JAKMIP2: variants seen among roughly 807,000 people sequenced by gnomAD.
The protein encoded by JAKMIP2 is janus kinase and microtubule-interacting protein 2.
Under a neutral mutation model 115.0 loss-of-function variants are expected in JAKMIP2, and 25 were observed. The ratio of observed to expected loss-of-function variants is 0.22; its 90% confidence interval spans 0.16 to 0.30. JAKMIP2 has a LOEUF of 0.30. JAKMIP2 is among the 10% of genes least tolerant of loss of function. The pLI is 1.00. For missense variants in JAKMIP2, 642 were observed against 957.6 expected, an observed-to-expected ratio of 0.67 and a Z score of 4.35; for synonymous variants, 334 against 343.6, an observed-to-expected ratio of 0.97 and a Z score of 0.31.
chr5:147,776,407 T>G (rs1261193012), intron 1 of JAKMIP2, among the ~76,000 whole-genome samples: 2 of 152,178 alleles, frequency 1.3e-5, no homozygotes, highest in Non-Finnish European at 2.9e-5. Context: ...CCTGCCACCA[T>G]GTGAAGAAGG....
intron 1 of JAKMIP2, among the ~76,000 whole-genome samples, chr5:147,678,949 C>T (rs1397424691): frequency 6.6e-6 from 1 of 151,724 alleles, no homozygotes; most frequent in African/African-American, 2.4e-5. Context: ...GTTTTGATGT[C>T]CAACTACATT....
chr5:147,710,772 A>C (rs1006978678), intron 1 of JAKMIP2, among the ~76,000 whole-genome samples: 2 of 152,180 alleles, frequency 1.3e-5, no homozygotes, highest in Admixed American at 6.5e-5. Flanking sequence ...CTAAAGAAAA[A>C]CATAAAATGA....
At chr5:147,734,670 G>A (rs1753855810) in intron 1 of JAKMIP2, among the ~76,000 whole-genome samples, 4 of 150,998 alleles carry the variant, frequency 2.6e-5, no homozygotes, top group Admixed American at 2.6e-4. Flanking sequence ...AAAAAGGAAC[G>A]CCTTTTTGTT....
Position 147,665,710 on chromosome 5 carries a change from T to C in JAKMIP2, c.130-4265A>G, listed in dbSNP as rs188246200. On this transcript the variant is annotated intron_variant, in intron 2 of 21. Coordinates refer to ENST00000616793, the MANE Select transcript of JAKMIP2 (RefSeq NM_001270941.2). ...AAAATGTCTGTAACTGGGTTATTTTTAGGGTTAAACTAGATTGTGTACGGA... is the reference window on the plus strand; with the variant it reads ...AAAATGTCTGTAACTGGGTTATTTTCAGGGTTAAACTAGATTGTGTACGGA... Among the ~76,000 whole-genome samples, 427 of 152,362 alleles carry C rather than the reference T, an allele frequency of 2.8e-3. 5 individuals are homozygous for C. The highest frequency in any genetic ancestry group is 9.6e-3 in the African/African-American group (399 of 41,588).
At chr5:147,657,618 C>T (rs560160240) in intron 3 of JAKMIP2, among the ~76,000 whole-genome samples, 8 of 152,254 alleles carry the variant, frequency 5.3e-5, no homozygotes, top group African/African-American at 1.9e-4. Flanking sequence ...ATTCCATTCT[C>T]CCCATCTCTT....
intron 1 of JAKMIP2, among the ~76,000 whole-genome samples, chr5:147,728,866 G>A (rs1413297934): frequency 6.6e-6 from 1 of 152,120 alleles, no homozygotes; most frequent in Non-Finnish European, 1.5e-5. Context: ...TCCTAGATAC[G>A]GTATGGGGAC....
chr5:147,597,805 AG>A (rs1561837995), intron 21 of JAKMIP2, among the ~76,000 whole-genome samples: 1 of 152,136 alleles, frequency 6.6e-6, no homozygotes, highest in Non-Finnish European at 1.5e-5. Context: ...CTTAATCCCT[AG>A]TGCAACAGTG....
At chr5:147,702,607 A>AGAAG (rs1233827942) in intron 1 of JAKMIP2, among the ~76,000 whole-genome samples, 263 of 16,646 alleles carry the variant, frequency 0.016, no homozygotes, top group African/African-American at 0.03. Context: ...AAAGAAGGAA[A>AGAAG]GAAAGAAAGA....
In JAKMIP2 at chr5:147,692,579, C is replaced by A. The variant is rs193187791; in HGVS notation, c.-148-20625G>T. Among the ~76,000 whole-genome samples the A allele has an allele frequency of 3.1e-3, 474 of 152,224 alleles. 2 individuals are homozygous for A. The highest frequency in any genetic ancestry group is 5.3e-3 in the Non-Finnish European group (361 of 68,020). On this transcript the variant is annotated intron_variant, in intron 1 of 21. Coordinates refer to ENST00000616793, the MANE Select transcript of JAKMIP2 (RefSeq NM_001270941.2). ...TTTTTAAATCAATATTTATCTCTCCCACTAAAATGAAAGACTTGTGAAAGT... is the reference window on the plus strand; with the variant it reads ...TTTTTAAATCAATATTTATCTCTCCAACTAAAATGAAAGACTTGTGAAAGT...
intron 2 of JAKMIP2, among the ~76,000 whole-genome samples, chr5:147,666,748 C>CTCGG (rs1481685245): frequency 1.3e-5 from 2 of 152,188 alleles, no homozygotes; most frequent in African/African-American, 4.8e-5. Flanking sequence ...CTTGCTTCAC[C>CTCGG]TCTGTCAGCC....
chr5:147,782,361 C>G, intron 1 of JAKMIP2, 95 bp downstream of exon 1: 1 of 1,232,928 alleles, frequency 8.1e-7, no homozygotes, highest in Middle Eastern at 1.8e-4. Flanking sequence ...GTCTGAGGCA[C>G]GGGAGTCATT....
At position 147,585,567 on chromosome 5, in the gene JAKMIP2, T is replaced by A. The variant is rs953753466; in HGVS notation, c.*6140A>T. ...TTTACATACAGTAAGTTGATTCCAA[T>A]CTCTACGGTAATACATACAGTACAT... On this transcript the variant is annotated 3_prime_UTR_variant, in exon 22 of 22. Transcript: ENST00000616793. The A allele has an allele frequency of 3.9e-5, 6 of 152,198 alleles. No homozygotes were observed. The highest frequency in any genetic ancestry group is 3.3e-4 in the Admixed American group (5 of 15,278). 9.4% of individuals were successfully genotyped at this position (152,198 alleles called of 1,614,324 possible).
At chr5:147,759,789 C>G (rs915581812) in intron 1 of JAKMIP2, among the ~76,000 whole-genome samples, 1 of 151,982 alleles carries the variant, frequency 6.6e-6, no homozygotes, top group African/African-American at 2.4e-5. Flanking sequence ...AAAGTCAATT[C>G]GTAGGATTTG....
intron 1 of JAKMIP2, among the ~76,000 whole-genome samples, chr5:147,749,773 C>G (rs937536337): frequency 2.6e-5 from 4 of 152,164 alleles, no homozygotes; most frequent in Non-Finnish European, 2.9e-5. Flanking sequence ...ATTATAATGG[C>G]AGGAGGCTTG....
chr5:147,647,155 G>C (rs1001214301), intron 5 of JAKMIP2, among the ~76,000 whole-genome samples: 2 of 151,852 alleles, frequency 1.3e-5, no homozygotes, highest in Non-Finnish European at 2.9e-5. Flanking sequence ...TACATTCTCT[G>C]ACTATAGTAG....
chr5:147,619,172 T>C, intron 18 of JAKMIP2, among the ~76,000 whole-genome samples: 1 of 152,138 alleles, frequency 6.6e-6, no homozygotes. Context: ...CAGACATGCT[T>C]TGGTGAGAAA....
At chr5:147,756,367 G>C (rs1200164648) in intron 1 of JAKMIP2, among the ~76,000 whole-genome samples, 1 of 152,070 alleles carries the variant, frequency 6.6e-6, no homozygotes, top group Non-Finnish European at 1.5e-5. Flanking sequence ...ACAAATTAGA[G>C]CATTCTAACC....
chr5:147,676,377 C>T (rs1198702907), intron 1 of JAKMIP2, among the ~76,000 whole-genome samples: 1 of 152,198 alleles, frequency 6.6e-6, no homozygotes, highest in Non-Finnish European at 1.5e-5. Flanking sequence ...GAAGGTATCA[C>T]TGCACACAGG....
chr5:147,781,464 G>A (rs537790115), intron 1 of JAKMIP2, among the ~76,000 whole-genome samples: 1 of 152,248 alleles, frequency 6.6e-6, no homozygotes, highest in African/African-American at 2.4e-5. Context: ...ACATTGATTT[G>A]GTAAGATGCT....
Sources: allele counts gnomAD v4.1 joint callset (sites outside exome capture counted in the v4.1 genomes callset), GRCh38; gene constraint gnomAD v4.1.1; transcripts MANE v1.5; gene names NCBI Gene and HGNC (gene_info 2026-07-23, HGNC 2026-07-21).